FBXW4: variants seen among roughly 807,000 people sequenced by gnomAD.
FBXW4 encodes F-box and WD repeat domain containing 4, also known as F-box/WD repeat-containing protein 4.
In FBXW4, 40 loss-of-function variants were observed where a neutral mutation model predicts 61.8. That is an observed-to-expected ratio of 0.65 (90% confidence interval 0.50 to 0.84). The LOEUF is 0.84. FBXW4 is among the 40% of genes least tolerant of loss of function. FBXW4 has a pLI of 0.00. For missense variants in FBXW4, 672 were observed against 753.8 expected (o/e 0.89, Z 1.27); for synonymous variants, 311 against 313.8 (o/e 0.99, Z 0.10).
Position 101,692,255 on chromosome 10 carries a change from G to A in FBXW4, c.725+2126C>T, listed in dbSNP as rs182484631. On this transcript the variant is annotated intron_variant, in intron 1 of 8. Coordinates refer to ENST00000331272, the MANE Select transcript of FBXW4 (RefSeq NM_022039.4). Reference sequence around the variant, plus strand: ...TCAGTGACACACAATGAAGAGTTCAGATATAGATCCAATATACACACATAT... The same window carrying A: ...TCAGTGACACACAATGAAGAGTTCAAATATAGATCCAATATACACACATAT... 2.0e-3 allele frequency among the ~76,000 whole-genome samples: 307 copies of A among 151,390 alleles called. 3 individuals carry two copies. The highest frequency in any genetic ancestry group is 3.4e-3 in the Non-Finnish European group (234 of 67,856).
chr10:101,685,396 A>C (rs975524760), intron 1 of FBXW4, among the ~76,000 whole-genome samples: 1 of 152,232 alleles, frequency 6.6e-6, no homozygotes, highest in Non-Finnish European at 1.5e-5. Flanking sequence ...AGTAACCCTG[A>C]ATAAGTGCAC....
At chr10:101,682,578 G>T (rs144016365) in intron 1 of FBXW4, among the ~76,000 whole-genome samples, 80 of 152,270 alleles carry the variant, frequency 5.3e-4, no homozygotes, top group Non-Finnish European at 9.3e-4. Context: ...ATCATAGCAG[G>T]AAGAAAACGA....
intron 6 of FBXW4, among the ~76,000 whole-genome samples, chr10:101,618,383 G>A (rs193062123): frequency 2.9e-4 from 44 of 152,312 alleles, no homozygotes; most frequent in African/African-American, 8.2e-4. Context: ...ATTGAAGAGC[G>A]AGCAGGGTTT....
chr10:101,661,739 T>G (rs539713335), intron 5 of FBXW4, among the ~76,000 whole-genome samples: 1 of 152,204 alleles, frequency 6.6e-6, no homozygotes, highest in South Asian at 2.1e-4. Flanking sequence ...ACCAAGCCAC[T>G]CTTTGACTAG....
At chr10:101,670,688 G>A (rs572426669) in intron 4 of FBXW4, among the ~76,000 whole-genome samples, 1 of 152,308 alleles carries the variant, frequency 6.6e-6, no homozygotes, top group East Asian at 1.9e-4. Context: ...CACACAGTAG[G>A]CACTCATAAG....
chr10:101,616,644 A>G (rs1171202475), intron 6 of FBXW4, among the ~76,000 whole-genome samples: 1 of 152,234 alleles, frequency 6.6e-6, no homozygotes, highest in Non-Finnish European at 1.5e-5. Context: ...AGCAGCAACA[A>G]CAAAGGTGCA....
At chr10:101,654,479 G>A (rs925989712) in intron 5 of FBXW4, among the ~76,000 whole-genome samples, 2 of 151,976 alleles carry the variant, frequency 1.3e-5, no homozygotes, top group African/African-American at 4.8e-5. Context: ...AAAAAAGGGA[G>A]TATTCTCTCC....
Position 101,694,391 on chromosome 10 carries a change from C to G in FBXW4, c.715G>C (p.Gly239Arg), listed in dbSNP as rs759941552. ...ASLNSGFTRLGTDLMTSVPVK... is the reference protein window; with the variant it reads ...ASLNSGFTRLRTDLMTSVPVK... ...CGAGCGGACGCTTACAGGTCGGTGC[C>G]GAGCCGCGTGAAGCCGGAGTTGAGC... The change falls in exon 1 of 9, where the codon GGC (glycine) becomes CGC (arginine). Residue 239 changes from glycine (G) to arginine (R), a missense_variant. Physicochemically the swap from Gly to Arg is moderately radical, Grantham distance 125. This residue lies in a region of FBXW4 where 311 missense variants were observed against 301.1 expected (regional missense o/e 1.03). Coordinates refer to ENST00000331272, the MANE Select transcript of FBXW4 (RefSeq NM_022039.4). The surrounding 1 kb of genome is among the most constrained non-coding windows in gnomAD (Gnocchi z 6.0). 6.8e-7 allele frequency: 1 copy of G among 1,472,206 alleles called. No individual in the cohort carries two copies. Among genetic ancestry groups the G allele is most frequent in the Admixed American group, 2.4e-5 (1 of 41,524 alleles). The allele number at this position is 1,472,206 out of a possible 1,614,324, so 91.2% of individuals were successfully genotyped here. A position where few individuals can be genotyped will look rare whatever the true frequency, so the allele number is the denominator to read the frequency against.
chr10:101,622,443 A>C (rs1048715746), intron 6 of FBXW4, among the ~76,000 whole-genome samples: 2 of 152,226 alleles, frequency 1.3e-5, no homozygotes, highest in African/African-American at 4.8e-5. Context: ...TAAAAAGACA[A>C]GCAGCCGGGT....
At chr10:101,689,095 C>T (rs1346076228) in intron 1 of FBXW4, among the ~76,000 whole-genome samples, 2 of 151,050 alleles carry the variant, frequency 1.3e-5, no homozygotes, top group African/African-American at 4.9e-5. Context: ...ATTTCAGCAG[C>T]TCAAGCACAA....
At chr10:101,660,342 G>GCC in intron 5 of FBXW4, 1 of 122,392 alleles carries the variant, frequency 8.2e-6, no homozygotes, top group Non-Finnish European at 1.7e-5. Flanking sequence ...GGGGGGGTGG[G>GCC]TGCTGCATGT....
At chr10:101,681,098 C>T (rs1207221715) in intron 1 of FBXW4, among the ~76,000 whole-genome samples, 6 of 152,092 alleles carry the variant, frequency 3.9e-5, no homozygotes, top group Non-Finnish European at 5.9e-5. Flanking sequence ...CCATAAATAA[C>T]AGGTCTAGGC....
upstream of FBXW4, chr10:101,695,209 G>A (rs1361034622): frequency 4.1e-6 from 4 of 984,654 alleles, no homozygotes; most frequent in South Asian, 1.4e-4. The surrounding 1 kb of genome is among the most constrained non-coding windows in gnomAD (Gnocchi z 4.2). Context: ...ATGGGGCGGC[G>A]CGGGCCGAGC....
At chr10:101,642,055 G>T (rs936451579) in intron 5 of FBXW4, among the ~76,000 whole-genome samples, 2 of 151,966 alleles carry the variant, frequency 1.3e-5, no homozygotes, top group African/African-American at 4.8e-5. Context: ...GATCTCAACT[G>T]CTTGGGAGGC....
chr10:101,613,889 G>GC (rs1459945818), intron 6 of FBXW4, among the ~76,000 whole-genome samples: 1 of 152,254 alleles, frequency 6.6e-6, no homozygotes, highest in Non-Finnish European at 1.5e-5. Flanking sequence ...CCTCTCAGTA[G>GC]CCCAGAGCTG....
Position 101,611,309 on chromosome 10 carries a change from C to T in FBXW4, c.1686G>A (p.Leu562=), listed in dbSNP as rs371354165. 3 of 1,613,788 alleles carry T rather than the reference C, an allele frequency of 1.9e-6. No homozygotes were observed. Among genetic ancestry groups the T allele is most frequent in the South Asian group, 2.2e-5 (2 of 91,032 alleles). The change falls in exon 9 of 9, where the codon CTG becomes CTA. Residue 562 remains leucine, a synonymous_variant. Transcript: ENST00000331272. This position sits in a 1 kb window ranked among gnomAD's most constrained non-coding sequence, Gnocchi z 4.9. ...YAALSYNLHV[L]DFQNP ...CTGACGGTCATGGGTTTTGAAAATC[C>T]AGGACGTGGAGGTTGTAAGACAGGG...
intron 5 of FBXW4, among the ~76,000 whole-genome samples, chr10:101,646,713 C>T (rs2064101659): frequency 1.3e-5 from 2 of 152,170 alleles, no homozygotes; most frequent in African/African-American, 4.8e-5. Flanking sequence ...GGAGAGAGCA[C>T]TTTTCACTAC....
chr10:101,634,507 G>A lies in FBXW4; in HGVS notation c.1236-9697C>T, dbSNP rs191193342. ...ACAATAAGAAAGAAGTTGTTCTACC[G>A]GATCAAAACATACTTTGTATGATAT... On this transcript the variant is annotated intron_variant, in intron 5 of 8. Transcript: ENST00000331272. Among the ~76,000 whole-genome samples the A allele has an allele frequency of 1.9e-4, 28 of 149,252 alleles. 1 individual carries two copies. The highest frequency in any genetic ancestry group is 1.0e-3 in the Admixed American group (15 of 15,018).
At chr10:101,676,189 T>G in intron 2 of FBXW4, 152 bp downstream of exon 2, 1 of 474,362 alleles carries the variant, frequency 2.1e-6, no homozygotes, top group Non-Finnish European at 3.7e-6. Context: ...GAAAAAGTTG[T>G]CCTTCTGATG....
Sources: gnomAD v4.1 joint callset for allele counts (sites outside exome capture counted in the v4.1 genomes callset) on GRCh38, gnomAD v4.1.1 for gene constraint, gnomAD v4.1.1 regional missense constraint, Gnocchi (gnomAD v3.1) non-coding constraint, MANE v1.5 for transcripts, NCBI Gene and HGNC (gene_info 2026-07-23, HGNC 2026-07-21) for gene names.